The following HACD1 variants were observed in gnomAD, a reference collection of about 807,000 sequenced individuals.
HACD1 encodes very-long-chain (3R)-3-hydroxyacyl-CoA dehydratase 1.
Under a neutral mutation model 32.0 loss-of-function variants are expected in HACD1, and 41 were observed. The ratio of observed to expected loss-of-function variants is 1.28; its 90% CI spans 1.00 to 1.66. The LOEUF (loss-of-function observed/expected upper bound fraction) is 1.66, where lower values mean the gene tolerates loss of function less well. Among genes scored for constraint, HACD1 ranks in the 40% most tolerant of loss-of-function variants. The pLI, the probability that HACD1 is intolerant of heterozygous loss-of-function variation, is 0.00. For synonymous variants in HACD1, 142 were observed against 139.0 expected, an observed-to-expected ratio of 1.02 and a Z score of -0.15; for missense variants, 396 against 380.1, an observed-to-expected ratio of 1.04 and a Z score of -0.35.
At chr10:17,592,726 A>G (rs1317660150) in intron 6 of HACD1, among the ~76,000 whole-genome samples, 2 of 152,188 alleles carry the variant, frequency 1.3e-5, no homozygotes, top group Non-Finnish European at 2.9e-5. Flanking sequence ...AAGTAATGCT[A>G]CCATTAACCT....
At chr10:17,616,849 A>G (rs1277322022) in intron 1 of HACD1, among the ~76,000 whole-genome samples, 2 of 151,416 alleles carry the variant, frequency 1.3e-5, no homozygotes, top group Non-Finnish European at 2.9e-5. Context: ...TCTATACTTA[A>G]CCTCCGGCCA....
At position 17,589,845 on chromosome 10, in the gene HACD1, T is replaced by C. The variant is rs978149678; in HGVS notation, c.*519A>G. 4 of 152,204 alleles carry C rather than the reference T, an allele frequency of 2.6e-5. No homozygotes were observed. The highest frequency in any genetic ancestry group is 9.6e-5 in the African/African-American group (4 of 41,454). 9.4% of individuals were successfully genotyped at this position (152,204 alleles called of 1,614,324 possible). ...GCTGCTACTTTATCTACATCAAAAG[T>C]CTTACTTTAGCAAATTATATCCACG... is the stretch of plus-strand genomic sequence containing the variant. On this transcript the variant is annotated 3_prime_UTR_variant, in exon 7 of 7. Coordinates refer to ENST00000361271, the MANE Select transcript of HACD1 (RefSeq NM_014241.4).
intron 6 of HACD1, among the ~76,000 whole-genome samples, chr10:17,592,136 C>A (rs1265448700): frequency 6.6e-6 from 1 of 151,834 alleles, no homozygotes; most frequent in Non-Finnish European, 1.5e-5. Context: ...TGCCCACTAC[C>A]ATGTCTGGCT....
intron 5 of HACD1, among the ~76,000 whole-genome samples, chr10:17,594,882 G>A (rs1265732323): frequency 7.3e-6 from 1 of 136,626 alleles, no homozygotes; most frequent in Non-Finnish European, 1.6e-5. Flanking sequence ...TTTTTGAGAT[G>A]GAGTCTTACT....
intron 6 of HACD1, 79 bp from the exon 7 acceptor site, chr10:17,590,525 A>G (rs1833915437): frequency 9.4e-7 from 1 of 1,061,190 alleles, no homozygotes; most frequent in Non-Finnish European, 1.4e-6. Context: ...AAATGTGGCA[A>G]TGTTAGAGAG....
rs535323075 is a variant in HACD1, at chr10:17,599,642, G to A, written c.484-231C>T. 3.9e-5 allele frequency among the ~76,000 whole-genome samples: 6 copies of A among 152,160 alleles called. No individual in the cohort carries two copies. The East Asian group carries it at 9.7e-4, about 25-fold the overall frequency. On this transcript the variant is annotated intron_variant, in intron 4 of 6. Coordinates refer to ENST00000361271, the MANE Select transcript of HACD1 (RefSeq NM_014241.4). Reference sequence around the variant, plus strand: ...AGCATAGACTCGTTTTTCTTCCCTCGTCCTTCACTTCAGGAAATAACGCTA... The same window carrying A: ...AGCATAGACTCGTTTTTCTTCCCTCATCCTTCACTTCAGGAAATAACGCTA...
chr10:17,599,284 C>T lies in HACD1; in HGVS notation c.605+6G>A, dbSNP rs1554816265. ...AAGGAGAAACTAAACTGCAAGATAT[C>T]GCCACCTGGCCCATTTAATGAAGTA... On this transcript the variant is annotated splice_donor_region_variant and intron_variant, in intron 5 of 6. Transcript: ENST00000361271. The T allele has an allele frequency of 6.2e-6, 10 of 1,613,398 alleles. No homozygotes were observed. In the South Asian group the frequency reaches 8.8e-5, roughly 14 times the overall value.
intron 1 of HACD1, among the ~76,000 whole-genome samples, chr10:17,607,217 G>C (rs1190545950): frequency 2.0e-5 from 3 of 152,096 alleles, no homozygotes; most frequent in Non-Finnish European, 4.4e-5. Flanking sequence ...CTGAGTCTTA[G>C]AGTAAGTTCA....
chr10:17,612,748 G>A (rs775848949), intron 1 of HACD1, among the ~76,000 whole-genome samples: 4 of 151,632 alleles, frequency 2.6e-5, no homozygotes, highest in East Asian at 1.9e-4. Context: ...GTGAAATCCC[G>A]TATCTACTAA....
chr10:17,594,243 T>G lies in HACD1; in HGVS notation c.746A>C (p.Tyr249Ser), dbSNP rs146791312. ...TGCCATGGTTATAAGAAGAAAATAA[T>G]AGTAGTCAAAAGAGACATTGTATTT... ...PNKYNVSFDY[Y>S]YFLLITMASY... is the part of the protein sequence containing the mutation. The change falls in exon 6 of 7, where the codon TAT becomes TCT. Residue 249 changes from tyrosine (Y) to serine (S), a missense_variant. Physicochemically the swap from Tyr to Ser is moderately radical, Grantham distance 144. Coordinates refer to ENST00000361271, the MANE Select transcript of HACD1 (RefSeq NM_014241.4). The G allele has an allele frequency of 1.3e-6, 2 of 1,586,624 alleles. No individual in the cohort carries two copies. Among genetic ancestry groups the G allele is most frequent in the African/African-American group, 2.7e-5 (2 of 73,532 alleles).
In HACD1 at chr10:17,612,225, A is replaced by C. The variant is rs150613085; in HGVS notation, c.257+4858T>G. Among the ~76,000 whole-genome samples, 688 of 152,276 alleles carry C rather than the reference A, an allele frequency of 4.5e-3. 2 individuals carry two copies. The highest frequency in any genetic ancestry group is 0.015 in the African/African-American group (629 of 41,566). On this transcript the variant is annotated intron_variant, in intron 1 of 6. Coordinates refer to ENST00000361271, the MANE Select transcript of HACD1 (RefSeq NM_014241.4). ...ATTGAACAGAAACAAATAAAAGCAA[A>C]ATGTCGTTAGGCGCATGATTTAATC...
intron 1 of HACD1, among the ~76,000 whole-genome samples, chr10:17,609,210 A>C (rs1241046636): frequency 6.8e-6 from 1 of 146,168 alleles, no homozygotes; most frequent in African/African-American, 2.6e-5. Context: ...GCTGAAGTGC[A>C]GTGGCGCGAT....
At chr10:17,605,576 A>AAAC (rs1225135641) in intron 1 of HACD1, among the ~76,000 whole-genome samples, 13 of 152,006 alleles carry the variant, frequency 8.6e-5, no homozygotes, top group South Asian at 2.1e-4. Flanking sequence ...TTTTCACTAA[A>AAAC]AACAACAACA....
chr10:17,615,711 A>T (rs1554817926), intron 1 of HACD1: 2 of 321,724 alleles, frequency 6.2e-6, no homozygotes, highest in Non-Finnish European at 1.3e-5. Context: ...TCACACCTGT[A>T]ATCCCAGCAC....
At chr10:17,616,093 C>G (rs1298549298) in intron 1 of HACD1, 1 of 158,700 alleles carries the variant, frequency 6.3e-6, no homozygotes, top group African/African-American at 2.4e-5. Flanking sequence ...ATGGTGAAAC[C>G]CCGTCTCTAC....
At chr10:17,616,785 G>A (rs1554818114) in intron 1 of HACD1, among the ~76,000 whole-genome samples, 3 of 152,054 alleles carry the variant, frequency 2.0e-5, no homozygotes, top group African/African-American at 7.2e-5. Context: ...GAAGGCAGCG[G>A]CGCCGGGGCA....
chr10:17,604,958 A>G (rs1338801364), intron 1 of HACD1, among the ~76,000 whole-genome samples: 1 of 152,104 alleles, frequency 6.6e-6, no homozygotes, highest in Admixed American at 6.6e-5. Context: ...CATCCACCTC[A>G]GCCTCCCAAA....
intron 6 of HACD1, 59 bp downstream of exon 6, chr10:17,594,146 T>A: frequency 8.0e-7 from 1 of 1,252,602 alleles, no homozygotes; most frequent in Non-Finnish European, 1.0e-6. Context: ...TATTATTATA[T>A]CCTTTCAAAA....
chr10:17,601,180 C>A (rs955855590), intron 4 of HACD1, among the ~76,000 whole-genome samples: 2 of 151,816 alleles, frequency 1.3e-5, no homozygotes, highest in South Asian at 4.2e-4. Context: ...ACTACAGGTG[C>A]GCACCACCAC....
Sources: gnomAD v4.1 joint callset for allele counts (sites outside exome capture counted in the v4.1 genomes callset) on GRCh38, gnomAD v4.1.1 for gene constraint, MANE v1.5 for transcripts, NCBI Gene and HGNC (gene_info 2026-07-23, HGNC 2026-07-21) for gene names.